CHI3L2: variants seen among roughly 807,000 people sequenced by gnomAD.
CHI3L2 encodes the protein chitinase-3-like protein 2.
CHI3L2 carries 47 observed loss-of-function variants against 47.3 expected under a neutral mutation model. That is an observed-to-expected ratio of 0.99 (90% CI 0.79 to 1.27). The LOEUF (loss-of-function observed/expected upper bound fraction) is 1.27, where lower values mean the gene tolerates loss of function less well. CHI3L2 is among the 50% of genes most tolerant of loss of function. The pLI is 0.00. For missense variants in CHI3L2, 497 were observed against 462.1 expected, an observed-to-expected ratio of 1.08 and a Z score of -0.69; for synonymous variants, 198 against 169.9, an observed-to-expected ratio of 1.17 and a Z score of -1.28.
intron 9 of CHI3L2, among the ~76,000 whole-genome samples, 166 bp downstream of exon 9, chr1:111,241,609 C>T (rs972407350): frequency 4.6e-5 from 7 of 152,152 alleles, no homozygotes; most frequent in East Asian, 1.9e-4. Context: ...ATGTCACACC[C>T]GCGAGCAGCT....
Position 111,243,341 on chromosome 1 carries a change from A to C in CHI3L2, c.*127A>C. ...GGATCTCTCTTCCAAGCCTTTCCTG[A>C]CTTCCTCTTAGATCATAGATTGGAC... On this transcript the variant is annotated 3_prime_UTR_variant, in exon 11 of 11. Transcript: ENST00000369748. The C allele has an allele frequency of 4.6e-6, 2 of 438,144 alleles. No individual in the cohort carries two copies. 27.1% of individuals were successfully genotyped at this position (438,144 alleles called of 1,614,324 possible). A position where few individuals can be genotyped will look rare whatever the true frequency, so the allele number is the denominator to read the frequency against.
At chr1:111,232,119 GAGA>G (rs1487645342) in intron 4 of CHI3L2, among the ~76,000 whole-genome samples, 2 of 152,232 alleles carry the variant, frequency 1.3e-5, no homozygotes, top group East Asian at 1.9e-4. Flanking sequence ...AGTAGGCAGA[GAGA>G]AGAAGTAGTG....
intron 5 of CHI3L2, among the ~76,000 whole-genome samples, 195 bp from the exon 6 acceptor site, chr1:111,235,444 G>C (rs1057065235): frequency 6.6e-6 from 1 of 152,178 alleles, no homozygotes; most frequent in African/African-American, 2.4e-5. Flanking sequence ...GTAGAGTGAG[G>C]CTGGGGTTCT....
At chr1:111,242,194 G>A (rs11102221) in intron 9 of CHI3L2, 33 bp from the exon 10 acceptor site, 430,432 of 1,612,402 alleles carry the variant, frequency 0.27, 59,899 homozygotes, top group Admixed American at 0.37. Flanking sequence ...GCCACCCTTC[G>A]AATCTCTGTG....
chr1:111,230,858 T>C lies in CHI3L2; in HGVS notation c.187T>C (p.Phe63Leu). 1 of 1,614,096 alleles carries C rather than the reference T, an allele frequency of 6.2e-7. No homozygotes were observed. Among genetic ancestry groups the C allele is most frequent in the African/African-American group, 1.3e-5 (1 of 75,020 alleles). ...PFLCSHLIYS[F>L]ASIENNKVII... ...CCTATGCTCTCATCTCATCTATTCA[T>C]TCGCCAGCATCGAAAACAACAAGGT... The change falls in exon 3 of 11, where the codon TTC (phenylalanine) becomes CTC (leucine). Residue 63 changes from phenylalanine (F) to leucine (L), a missense_variant. Physicochemically the swap from Phe to Leu is conservative, Grantham distance 22 (BLOSUM62 0). Transcript: ENST00000369748.
intron 4 of CHI3L2, chr1:111,231,501 C>T (rs945326728): frequency 2.2e-4 from 113 of 504,570 alleles, no homozygotes; most frequent in African/African-American, 1.8e-3. Context: ...GAGCTTAATA[C>T]AAGCCCAGAC....
At chr1:111,233,304 G>T (rs550406958) in intron 4 of CHI3L2, among the ~76,000 whole-genome samples, 1 of 152,270 alleles carries the variant, frequency 6.6e-6, no homozygotes, top group African/African-American at 2.4e-5. Flanking sequence ...AGTCACTGGA[G>T]TCCAGTTCTT....
chr1:111,237,489 A>C (rs1293380625), intron 7 of CHI3L2, among the ~76,000 whole-genome samples: 1 of 152,204 alleles, frequency 6.6e-6, no homozygotes, highest in South Asian at 2.1e-4. Flanking sequence ...AGGCCTTCAT[A>C]TTCAAAGTCA....
chr1:111,231,835 A>T (rs1347777288), intron 4 of CHI3L2, among the ~76,000 whole-genome samples: 1 of 152,264 alleles, frequency 6.6e-6, no homozygotes, highest in Non-Finnish European at 1.5e-5. Flanking sequence ...AGCTATTGAT[A>T]CAAAGCACAC....
chr1:111,231,641 C>G (rs987526326), intron 4 of CHI3L2, among the ~76,000 whole-genome samples: 16 of 152,198 alleles, frequency 1.1e-4, no homozygotes, highest in African/African-American at 3.4e-4. Flanking sequence ...TTAAAAATCA[C>G]TTGAGGGTTT....
At chr1:111,239,683 T>C (rs879885203) in intron 8 of CHI3L2, among the ~76,000 whole-genome samples, 11 of 152,194 alleles carry the variant, frequency 7.2e-5, no homozygotes, top group Admixed American at 4.6e-4. Flanking sequence ...GTCAGATAGA[T>C]CATAGGGATA....
At chr1:111,243,145 A>G in intron 10 of CHI3L2, 72 bp from the exon 11 acceptor site, 1 of 456,040 alleles carries the variant, frequency 2.2e-6, no homozygotes, top group East Asian at 6.9e-5. Context: ...CTGAGCATCC[A>G]TTGTTTAGTA....
rs781687603 is a variant in CHI3L2, at chr1:111,230,798, C to A, written c.127C>A (p.Pro43Thr). Residue 43 changes from proline to threonine, a missense_variant, in exon 3 of 11, where the codon CCA (proline) becomes ACA (threonine). Physicochemically the swap from Pro to Thr is conservative, Grantham distance 38. Transcript: ENST00000369748. Reference sequence around the variant, plus strand: ...CAACTGGTCCCAGGACCGGCAGGAACCAGGAAAATTCACCCCTGAGAATAT... The same window carrying A: ...CAACTGGTCCCAGGACCGGCAGGAAACAGGAAAATTCACCCCTGAGAATAT... Reference protein sequence around the residue: ...FTNWSQDRQEPGKFTPENIDP... With the variant: ...FTNWSQDRQETGKFTPENIDP... 41 of 1,614,106 alleles carry A rather than the reference C, an allele frequency of 2.5e-5. No individual in the cohort carries two copies. In the South Asian group the frequency reaches 4.5e-4, roughly 18 times the overall value.
intron 1 of CHI3L2, among the ~76,000 whole-genome samples, chr1:111,229,070 GGT>G (rs1195828382): frequency 1.3e-5 from 2 of 152,108 alleles, no homozygotes; most frequent in Non-Finnish European, 2.9e-5. Flanking sequence ...AGATAGTTCT[GGT>G]TCAAGCTATC....
chr1:111,241,067 G>T (rs1243370303), intron 8 of CHI3L2, among the ~76,000 whole-genome samples: 1 of 152,200 alleles, frequency 6.6e-6, no homozygotes, highest in African/African-American at 2.4e-5. Flanking sequence ...GCTGGGGTCT[G>T]ATCTGGAACT....
chr1:111,235,062 G>A lies in CHI3L2; in HGVS notation c.480+5G>A, dbSNP rs773089831. On this transcript the variant is annotated splice_donor_5th_base_variant and intron_variant, in intron 5 of 10. Transcript: ENST00000369748. ...CATTTCACTGTGCTGATTCATGTAA[G>A]TCATGAATCAAGTAATTCATGTGAG... 1.2e-6 allele frequency: 2 copies of A among 1,613,044 alleles called. No individual in the cohort carries two copies. Among genetic ancestry groups the A allele is most frequent in the South Asian group, 2.2e-5 (2 of 91,066 alleles).
rs201031221 is a variant in CHI3L2 at position 111,230,860 on chromosome 1, C to T, written c.189C>T (p.Phe63=). 2.2e-5 allele frequency: 36 copies of T among 1,613,940 alleles called. No homozygotes were observed. The highest frequency in any genetic ancestry group is 2.8e-5 in the Non-Finnish European group (33 of 1,179,994). ...PFLCSHLIYS[F]ASIENNKVII... ...TATGCTCTCATCTCATCTATTCATT[C>T]GCCAGCATCGAAAACAACAAGGTTA... is the stretch of plus-strand genomic sequence containing the variant. The change falls in exon 3 of 11, where the codon TTC becomes TTT. Residue 63 remains phenylalanine, a synonymous_variant. Transcript: ENST00000369748.
intron 7 of CHI3L2, among the ~76,000 whole-genome samples, chr1:111,238,031 C>T (rs1659933999): frequency 6.6e-6 from 1 of 152,194 alleles, no homozygotes; most frequent in South Asian, 2.1e-4. Context: ...CAGGCCTTTA[C>T]ATAATAACTC....
At chr1:111,237,611 T>G (rs1659922254) in intron 7 of CHI3L2, among the ~76,000 whole-genome samples, 1 of 152,240 alleles carries the variant, frequency 6.6e-6, no homozygotes. Context: ...CAGTTATCTT[T>G]AAGGATAAGG....
Sources: allele counts gnomAD v4.1 joint callset (sites outside exome capture counted in the v4.1 genomes callset), GRCh38; gene constraint gnomAD v4.1.1; transcripts MANE v1.5; gene names NCBI Gene and HGNC (gene_info 2026-07-23, HGNC 2026-07-21).